Variants in OTUD7A observed in about 807,000 individuals in gnomAD.
The protein encoded by OTUD7A is OTU domain-containing protein 7A.
A neutral mutation model predicts 65.7 loss-of-function variants in OTUD7A; 12 were observed. That is an observed-to-expected ratio of 0.18 (90% CI 0.12 to 0.30). The LOEUF (loss-of-function observed/expected upper bound fraction) is 0.30. Among genes scored for constraint, OTUD7A ranks in the 10% least tolerant of loss-of-function variants. OTUD7A has a pLI of 1.00. For synonymous variants in OTUD7A, 641 were observed against 586.3 expected (o/e 1.09, Z -1.35); for missense variants, 1,148 against 1,304.8 (o/e 0.88, Z 1.85).
At chr15:31,868,553 T>C (rs1313577587) in intron 1 of OTUD7A, among the ~76,000 whole-genome samples, 12 of 152,186 alleles carry the variant, frequency 7.9e-5, no homozygotes. Flanking sequence ...GCGGGAGCAG[T>C]GTCATCCAAA....
Position 31,482,458 on chromosome 15 carries a change from T to G in OTUD7A, c.*836A>C, listed in dbSNP as rs1017570714. ...TGTGGAAGTGCCTTCAAAGGAGAAA[T>G]GTGAGCAGCCTGTCCTATCTGCTCC... On this transcript the variant is annotated 3_prime_UTR_variant, in exon 13 of 13. Coordinates refer to ENST00000307050, the MANE Select transcript of OTUD7A (RefSeq NM_001382637.1). 6.6e-6 allele frequency: 1 copy of G among 152,226 alleles called. No homozygotes were observed. Among genetic ancestry groups the G allele is most frequent in the African/African-American group, 2.4e-5 (1 of 41,442 alleles). 9.4% of individuals were successfully genotyped at this position (152,226 alleles called of 1,614,324 possible).
intron 3 of OTUD7A, among the ~76,000 whole-genome samples, chr15:31,639,096 C>T (rs1247099371): frequency 2.0e-5 from 3 of 151,914 alleles, no homozygotes; most frequent in East Asian, 3.9e-4. Context: ...CTCGCGCCAC[C>T]GCACTCCAGC....
At position 31,503,800 on chromosome 15, in the gene OTUD7A, G is replaced by C; in HGVS notation, c.912C>G (p.Asp304Glu). 6.2e-7 allele frequency: 1 copy of C among 1,614,192 alleles called. No homozygotes were observed. The highest frequency in any genetic ancestry group is 1.3e-5 in the African/African-American group (1 of 75,048). The change falls in exon 9 of 13, where the codon GAC becomes GAG. Residue 304 changes from aspartate (D) to glutamate (E), a missense_variant. Transcript: ENST00000307050. ...ACTCTTCCAGGCTCTCGTACACGGG[G>C]TCCTCAGAGTTGTCCACACTGTGAA... ...GTGGGVDNSE[D>E]PVYESLEEFH...
intron 1 of OTUD7A, among the ~76,000 whole-genome samples, chr15:31,841,580 A>G (rs1026038878): frequency 6.6e-6 from 1 of 152,108 alleles, no homozygotes; most frequent in Non-Finnish European, 1.5e-5. Flanking sequence ...AGCAAGAAAA[A>G]GTTAATGGAG....
At position 31,484,197 on chromosome 15, in the gene OTUD7A, G is replaced by A. The variant is rs1241304871; in HGVS notation, c.1899C>T (p.Arg633=). 1.2e-6 allele frequency: 2 copies of A among 1,609,370 alleles called. No individual in the cohort carries two copies. Among genetic ancestry groups the A allele is most frequent in the Admixed American group, 1.7e-5 (1 of 59,844 alleles). ...ACTTGCGCTCCCCCTGCATGGCGGC[G>A]CGCAGGATGTTGAGGCTCAGCTTCA... is the stretch of plus-strand genomic sequence containing the variant. ...TDVKLSLNIL[R]AAMQGERKFI... is the part of the protein sequence containing the mutation. The change falls in exon 13 of 13, where the codon CGC becomes CGT. Residue 633 remains arginine, a synonymous_variant. Coordinates refer to ENST00000307050, the MANE Select transcript of OTUD7A (RefSeq NM_001382637.1). The surrounding 1 kb of genome is among the most constrained non-coding windows in gnomAD (Gnocchi z 4.5).
At position 31,661,944 on chromosome 15, in the gene OTUD7A, C is replaced by T. The variant is rs549605364; in HGVS notation, c.-99-4867G>A. ...TATATATATTTTTCTCTAGAGTTTT[C>T]TATCATCTGGCTTTTACTGATTGCT... is the stretch of plus-strand genomic sequence containing the variant. On this transcript the variant is annotated intron_variant, in intron 1 of 12. Transcript: ENST00000307050. Among the ~76,000 whole-genome samples, 49 of 152,204 alleles carry T rather than the reference C, an allele frequency of 3.2e-4. 1 individual carries two copies. In the South Asian group the frequency reaches 1.0e-2, roughly 31 times the overall value.
chr15:31,667,699 T>C (rs965342705), intron 1 of OTUD7A, among the ~76,000 whole-genome samples: 8 of 152,206 alleles, frequency 5.3e-5, no homozygotes, highest in African/African-American at 1.9e-4. Flanking sequence ...CTTGGTTTTT[T>C]CATTTTTTGT....
chr15:31,526,090 C>G (rs1344142092), intron 8 of OTUD7A, among the ~76,000 whole-genome samples: 1 of 152,206 alleles, frequency 6.6e-6, no homozygotes, highest in African/African-American at 2.4e-5. Flanking sequence ...CTGGAGGCAG[C>G]TCATGTGAGC....
chr15:31,562,224 T>C (rs909966015), intron 4 of OTUD7A, among the ~76,000 whole-genome samples: 7 of 152,306 alleles, frequency 4.6e-5, no homozygotes, highest in East Asian at 1.9e-4. Flanking sequence ...TGTTAAGAGA[T>C]GGCAAAGGCC....
At chr15:31,792,400 A>G (rs1339015379) in intron 1 of OTUD7A, among the ~76,000 whole-genome samples, 1 of 152,154 alleles carries the variant, frequency 6.6e-6, no homozygotes, top group Non-Finnish European at 1.5e-5. Flanking sequence ...CCAGGCTCAC[A>G]GGACCTCCAC....
Position 31,484,157 on chromosome 15 carries a change from G to A in OTUD7A, c.1939C>T (p.Leu647=), listed in dbSNP as rs1423663447. The A allele has an allele frequency of 1.9e-6, 3 of 1,610,448 alleles. No homozygotes were observed. Among genetic ancestry groups the A allele is most frequent in the Admixed American group, 1.7e-5 (1 of 59,958 alleles). The change falls in exon 13 of 13, where the codon CTG becomes TTG. Residue 647 remains leucine (L), a synonymous_variant. Coordinates refer to ENST00000307050, the MANE Select transcript of OTUD7A (RefSeq NM_001382637.1). The surrounding 1 kb of genome is among the most constrained non-coding windows in gnomAD (Gnocchi z 4.5). The part of the protein sequence containing the change: ...QGERKFIFAG[L]LLTSHRHQFH... The stretch of plus-strand genomic sequence containing the variant: ...TGGTGCCGGTGGCTGGTGAGCAGCA[G>A]GCCGGCGAAGATGAACTTGCGCTCC...
At chr15:31,822,750 C>A (rs975749830) in intron 1 of OTUD7A, among the ~76,000 whole-genome samples, 6 of 152,168 alleles carry the variant, frequency 3.9e-5, no homozygotes, top group Admixed American at 3.9e-4. Context: ...CCAGGCAGAC[C>A]CCTCAGGACC....
intron 1 of OTUD7A, among the ~76,000 whole-genome samples, chr15:31,858,883 T>A (rs1227482958): frequency 6.6e-6 from 1 of 152,168 alleles, no homozygotes; most frequent in Non-Finnish European, 1.5e-5. Flanking sequence ...GGCAGTCACA[T>A]GGGGCCTGAA....
chr15:31,759,673 C>T (rs1365927575), intron 1 of OTUD7A, among the ~76,000 whole-genome samples: 1 of 152,134 alleles, frequency 6.6e-6, no homozygotes, highest in Non-Finnish European at 1.5e-5. Context: ...AGCTGGGATA[C>T]AGGCGTGCAC....
intron 1 of OTUD7A, among the ~76,000 whole-genome samples, chr15:31,866,812 T>TTCA (rs1897888175): frequency 6.6e-6 from 1 of 152,232 alleles, no homozygotes; most frequent in African/African-American, 2.4e-5. Flanking sequence ...AAGAGCCTGA[T>TTCA]TCACTAAAGC....
intron 3 of OTUD7A, among the ~76,000 whole-genome samples, chr15:31,638,686 T>G (rs1247604798): frequency 6.6e-6 from 1 of 152,094 alleles, no homozygotes; most frequent in African/African-American, 2.4e-5. Context: ...TGAGCCACTG[T>G]GCTTAGCCAA....
intron 5 of OTUD7A, among the ~76,000 whole-genome samples, chr15:31,553,752 C>T (rs1432554547): frequency 1.3e-5 from 2 of 152,052 alleles, no homozygotes; most frequent in Non-Finnish European, 2.9e-5. Context: ...TGTCTCTCTA[C>T]TGCCCCTCAC....
intron 1 of OTUD7A, among the ~76,000 whole-genome samples, chr15:31,703,041 A>AAAAG (rs551495732): frequency 2.3e-3 from 343 of 151,848 alleles, no homozygotes; most frequent in African/African-American, 3.9e-3. Context: ...AAACAAGAAA[A>AAAAG]AAAGAAAGAA....
chr15:31,621,448 C>T (rs987258653), intron 3 of OTUD7A, among the ~76,000 whole-genome samples: 5 of 152,160 alleles, frequency 3.3e-5, no homozygotes, highest in Non-Finnish European at 5.9e-5. Flanking sequence ...AATCTGGGTG[C>T]TCCTGTATTG....
Sources: gnomAD v4.1 joint callset for allele counts (sites outside exome capture counted in the v4.1 genomes callset) on GRCh38, gnomAD v4.1.1 for gene constraint, Gnocchi (gnomAD v3.1) non-coding constraint, MANE v1.5 for transcripts, NCBI Gene and HGNC (gene_info 2026-07-23, HGNC 2026-07-21) for gene names.